The following OR2L13 variants were observed in gnomAD, a reference collection of about 807,000 sequenced individuals.
OR2L13 encodes the protein olfactory receptor family 2 subfamily L member 13, also known as olfactory receptor 2L13.
A neutral mutation model predicts 15.3 loss-of-function variants in OR2L13; 14 were observed. That is an observed-to-expected ratio of 0.91 (90% confidence interval 0.60 to 1.43). The LOEUF (loss-of-function observed/expected upper bound fraction) is 1.43, where lower values mean the gene tolerates loss of function less well. OR2L13 is among the 40% of genes most tolerant of loss of function. OR2L13 has a pLI of 0.00. For missense variants in OR2L13, 367 were observed against 387.9 expected (o/e 0.95, Z 0.45); for synonymous variants, 152 against 142.9 (o/e 1.06, Z -0.45).
At chr1:248,089,739 A>G in the OR2L13 span, among the ~76,000 whole-genome samples, 3 of 152,128 alleles carry the variant, frequency 2.0e-5, no homozygotes, top group Admixed American at 6.5e-5. Context: ...TGGCACATAG[A>G]CCTCAGATAA....
At chr1:248,100,311 A>G in exon 3 of OR2L13, 1 of 1,576,740 alleles carries the variant, frequency 6.3e-7, no homozygotes, top group Non-Finnish European at 8.7e-7. Flanking sequence ...TCCTGAAAGA[A>G]TAATCATGGC....
At chr1:248,099,472 A>G (rs142935398) in exon 3 of OR2L13, 620 of 1,612,670 alleles carry the variant, frequency 3.8e-4, no homozygotes, top group Non-Finnish European at 4.9e-4. Flanking sequence ...TATCATCCTC[A>G]TATTCTTTCT....
chr1:248,097,589 G>A lies in OR2L13; in HGVS notation c.-144+237G>A, dbSNP rs1024744102. ...AAACAAAATCATTATTGTAGTAACTGCCATAAAACAATCTTTATAATACTC... is the reference window on the plus strand; with the variant it reads ...AAACAAAATCATTATTGTAGTAACTACCATAAAACAATCTTTATAATACTC... On this transcript the variant is annotated intron_variant, in intron 1 of 2. Transcript: ENST00000641714. 5.3e-5 allele frequency among the ~76,000 whole-genome samples: 8 copies of A among 152,098 alleles called. No individual in the cohort carries two copies. The East Asian group carries it at 1.5e-3, about 29-fold the overall frequency.
the OR2L13 span, among the ~76,000 whole-genome samples, chr1:247,986,862 C>A: frequency 6.6e-6 from 1 of 152,062 alleles, no homozygotes; most frequent in African/African-American, 2.4e-5. Flanking sequence ...GTATTTTATT[C>A]TCATTGAATC....
chr1:247,990,359 T>C, the OR2L13 span: 64 of 1,543,838 alleles, frequency 4.1e-5, no homozygotes, highest in Non-Finnish European at 4.7e-5. Context: ...TTCTCATTAA[T>C]TTCGTTTTCC....
the OR2L13 span, among the ~76,000 whole-genome samples, chr1:247,986,144 T>A: frequency 9.2e-5 from 14 of 152,198 alleles, no homozygotes; most frequent in African/African-American, 2.9e-4. Context: ...TTGGCTTTTG[T>A]TGCCATTGCT....
the OR2L13 span, chr1:248,038,775 T>C: frequency 3.1e-6 from 5 of 1,614,054 alleles, no homozygotes; most frequent in African/African-American, 5.3e-5. Context: ...ATATTGCAAG[T>C]CCAGAGCCAT....
chr1:247,972,935 A>G, the OR2L13 span, among the ~76,000 whole-genome samples: 1 of 152,232 alleles, frequency 6.6e-6, no homozygotes, highest in Admixed American at 6.5e-5. Flanking sequence ...ACCACGGTCA[A>G]GTTGGCTTCA....
the OR2L13 span, chr1:248,022,423 C>G: frequency 3.1e-6 from 5 of 1,614,180 alleles, no homozygotes; most frequent in Non-Finnish European, 3.4e-6. Context: ...TGTGCTCACA[C>G]AGTATATGCA....
chr1:247,991,042 C>G, the OR2L13 span: 8 of 1,555,996 alleles, frequency 5.1e-6, no homozygotes, highest in African/African-American at 6.8e-5. Flanking sequence ...TTATACCTAT[C>G]TACGCCCAAG....
At chr1:248,026,742 G>A in the OR2L13 span, among the ~76,000 whole-genome samples, 2 of 151,922 alleles carry the variant, frequency 1.3e-5, no homozygotes, top group Non-Finnish European at 2.9e-5. Flanking sequence ...AACATAAACG[G>A]TGAAGATTTC....
At chr1:247,962,404 G>T in the OR2L13 span, among the ~76,000 whole-genome samples, 1 of 149,076 alleles carries the variant, frequency 6.7e-6, no homozygotes, top group African/African-American at 2.4e-5. Flanking sequence ...GAAGGAGAAG[G>T]GCTGAATGTC....
the OR2L13 span, among the ~76,000 whole-genome samples, chr1:247,966,657 A>T: frequency 6.6e-6 from 1 of 152,242 alleles, no homozygotes; most frequent in African/African-American, 2.4e-5. Context: ...AGGTGTTTTA[A>T]TGCTTTAATT....
chr1:248,022,918 G>A, the OR2L13 span: 1 of 1,561,722 alleles, frequency 6.4e-7, no homozygotes, highest in Non-Finnish European at 8.7e-7. Context: ...CAAAGCGCTA[G>A]GTTCATATCA....
the OR2L13 span, among the ~76,000 whole-genome samples, chr1:247,957,267 C>G: frequency 1.3e-5 from 2 of 152,172 alleles, no homozygotes; most frequent in African/African-American, 4.8e-5. Context: ...ATATGTTGAA[C>G]CAACCTTGCA....
the OR2L13 span, among the ~76,000 whole-genome samples, chr1:247,940,454 GTATT>G: frequency 3.3e-5 from 5 of 152,068 alleles, no homozygotes; most frequent in African/African-American, 1.2e-4. Context: ...ATATCATAAA[GTATT>G]TAACAAAATA....
the OR2L13 span, among the ~76,000 whole-genome samples, chr1:247,957,788 A>T: frequency 1.3e-5 from 2 of 152,054 alleles, no homozygotes; most frequent in African/African-American, 4.8e-5. Context: ...CGGTGGTGAT[A>T]TACCCTTTAT....
chr1:247,975,117 G>T, the OR2L13 span: 5 of 376,382 alleles, frequency 1.3e-5, no homozygotes, highest in African/African-American at 1.1e-4. Context: ...GTAGCTGTTT[G>T]CTTTCCTCTC....
chr1:248,004,739 T>C, the OR2L13 span, among the ~76,000 whole-genome samples: 1 of 152,300 alleles, frequency 6.6e-6, no homozygotes, highest in South Asian at 2.1e-4. Flanking sequence ...AATGATTACA[T>C]TTAGTTCTTT....
Sources: gnomAD v4.1 joint callset for allele counts (sites outside exome capture counted in the v4.1 genomes callset) on GRCh38, gnomAD v4.1.1 for gene constraint, MANE v1.5 for transcripts, NCBI Gene and HGNC (gene_info 2026-07-23, HGNC 2026-07-21) for gene names.